The following DPP10 variants were observed in gnomAD, a reference collection of about 807,000 sequenced individuals.
DPP10 encodes inactive dipeptidyl peptidase 10.
Under a neutral mutation model 120.9 loss-of-function variants are expected in DPP10, and 33 were observed. The ratio of observed to expected loss-of-function variants is 0.27; its 90% CI spans 0.21 to 0.37. The LOEUF (loss-of-function observed/expected upper bound fraction) is 0.37, where lower values mean the gene tolerates loss of function less well. Among genes scored for constraint, DPP10 ranks in the 10% least tolerant of loss-of-function variants. The pLI, the probability that DPP10 is intolerant of heterozygous loss-of-function variation, is 1.00. For missense variants in DPP10, 816 were observed against 942.8 expected (o/e 0.87, Z 1.76); for synonymous variants, 337 against 326.1 (o/e 1.03, Z -0.36).
At chr2:114,879,809 C>G (rs904762901) in intron 1 of DPP10, among the ~76,000 whole-genome samples, 2 of 152,132 alleles carry the variant, frequency 1.3e-5, no homozygotes, top group African/African-American at 4.8e-5. Context: ...ACCACTTCCT[C>G]TCACTGACAG....
At chr2:115,812,786 T>C (rs2150027237) in intron 19 of DPP10, among the ~76,000 whole-genome samples, 1 of 152,210 alleles carries the variant, frequency 6.6e-6, no homozygotes, top group African/African-American at 2.4e-5. Flanking sequence ...TTTACGGTGT[T>C]TCTTTATTTA....
chr2:115,739,155 C>G (rs1378030737), intron 8 of DPP10, among the ~76,000 whole-genome samples: 1 of 152,116 alleles, frequency 6.6e-6, no homozygotes, highest in Admixed American at 6.5e-5. Context: ...TCTCCTCTTT[C>G]TAATCTCCTG....
At chr2:114,881,811 A>G (rs2139407) in intron 1 of DPP10, among the ~76,000 whole-genome samples, 148,999 of 152,196 alleles carry the variant, frequency 0.98, 73,023 homozygotes, top group East Asian at 1. Context: ...CACAGTTGGT[A>G]CTGGAAATGT....
chr2:115,464,813 G>A (rs1425854036), intron 3 of DPP10, among the ~76,000 whole-genome samples: 1 of 152,124 alleles, frequency 6.6e-6, no homozygotes, highest in Non-Finnish European at 1.5e-5. Flanking sequence ...GTGAGCTAGA[G>A]GAGGGAGAGA....
chr2:114,847,315 T>C (rs1023148607), intron 1 of DPP10, among the ~76,000 whole-genome samples: 3 of 152,186 alleles, frequency 2.0e-5, no homozygotes, highest in African/African-American at 7.2e-5. Flanking sequence ...GATCTTCTCC[T>C]GTCCATGTTC....
intron 1 of DPP10, among the ~76,000 whole-genome samples, chr2:114,468,557 T>G (rs1056611331): frequency 2.6e-5 from 4 of 152,202 alleles, no homozygotes; most frequent in Non-Finnish European, 4.4e-5. Flanking sequence ...GGTGGTTATG[T>G]TTCCCCTGAG....
intron 5 of DPP10, among the ~76,000 whole-genome samples, chr2:115,655,855 A>G (rs1192797400): frequency 6.6e-6 from 1 of 151,674 alleles, no homozygotes; most frequent in Non-Finnish European, 1.5e-5. Context: ...GGGAAGGCTG[A>G]GGAGGAAGAC....
At chr2:114,900,673 C>T (rs988775157) in intron 1 of DPP10, among the ~76,000 whole-genome samples, 4 of 152,042 alleles carry the variant, frequency 2.6e-5, no homozygotes, top group Admixed American at 1.3e-4. Flanking sequence ...GTTTCATTTT[C>T]ATTTGACAAA....
chr2:115,148,121 T>C (rs952629228), intron 1 of DPP10, among the ~76,000 whole-genome samples: 5 of 152,200 alleles, frequency 3.3e-5, no homozygotes, highest in African/African-American at 1.2e-4. Flanking sequence ...GCAAGAGGCA[T>C]TGTCACCTGA....
intron 1 of DPP10, among the ~76,000 whole-genome samples, chr2:115,026,479 A>G (rs10174977): frequency 0.023 from 3,448 of 151,968 alleles, 131 homozygotes; most frequent in African/African-American, 0.08. Context: ...TTTGTTCAGG[A>G]TTGCTTTGAC....
chr2:115,619,064 T>A (rs763092963), intron 5 of DPP10, among the ~76,000 whole-genome samples: 1 of 82,980 alleles, frequency 1.2e-5, no homozygotes, highest in Non-Finnish European at 2.3e-5. Context: ...ATACCTGTGG[T>A]GCAACACTGC....
intron 1 of DPP10, among the ~76,000 whole-genome samples, chr2:115,127,339 A>G (rs1461871771): frequency 2.0e-5 from 3 of 152,184 alleles, no homozygotes; most frequent in Non-Finnish European, 4.4e-5. Flanking sequence ...TCTCTTGAAA[A>G]TCATGAAGTT....
At chr2:115,841,433 C>T (rs1156791975) in intron 25 of DPP10, among the ~76,000 whole-genome samples, 18 of 152,052 alleles carry the variant, frequency 1.2e-4, no homozygotes. Context: ...AAGGAGGTTC[C>T]AGTCTGATAT....
intron 3 of DPP10, among the ~76,000 whole-genome samples, chr2:115,494,857 CTCTT>C (rs2076310807): frequency 6.6e-6 from 1 of 152,030 alleles, no homozygotes; most frequent in Admixed American, 6.6e-5. Context: ...TTTTTGAAAA[CTCTT>C]TCTCTATGTA....
chr2:115,777,380 T>C, intron 14 of DPP10, 81 bp downstream of exon 14: 2 of 1,299,820 alleles, frequency 1.5e-6, no homozygotes, highest in South Asian at 1.3e-5. Context: ...ATGTTTTGCT[T>C]ACCATAGTCC....
At chr2:115,040,724 GTTGT>G (rs1704571951) in intron 1 of DPP10, among the ~76,000 whole-genome samples, 1 of 151,890 alleles carries the variant, frequency 6.6e-6, no homozygotes, top group East Asian at 1.9e-4. Flanking sequence ...GTGAGATTTG[GTTGT>G]TTAAAAGTGT....
intron 3 of DPP10, among the ~76,000 whole-genome samples, chr2:115,383,362 T>C (rs1345158198): frequency 6.6e-6 from 1 of 152,226 alleles, no homozygotes; most frequent in East Asian, 1.9e-4. Context: ...ATGTGAGACA[T>C]GCCTTTCACT....
chr2:114,990,786 T>A (rs1023229618), intron 1 of DPP10, among the ~76,000 whole-genome samples: 1 of 152,180 alleles, frequency 6.6e-6, no homozygotes. Flanking sequence ...ACTCCTTCTT[T>A]ATTTTCTTTG....
At chr2:115,706,081 A>G (rs553171235) in intron 7 of DPP10, among the ~76,000 whole-genome samples, 4 of 152,096 alleles carry the variant, frequency 2.6e-5, no homozygotes, top group Admixed American at 1.3e-4. Context: ...ATATATTTAC[A>G]TGAATATATT....
Sources: gnomAD v4.1 joint callset for allele counts (sites outside exome capture counted in the v4.1 genomes callset) on GRCh38, gnomAD v4.1.1 for gene constraint, MANE v1.5 for transcripts, NCBI Gene and HGNC (gene_info 2026-07-23, HGNC 2026-07-21) for gene names.